WDR7: variants seen among roughly 807,000 people sequenced by gnomAD.
The protein encoded by WDR7 is WD repeat-containing protein 7.
WDR7 carries 46 observed loss-of-function variants against 169.4 expected under a neutral mutation model. The ratio of observed to expected loss-of-function variants is 0.27; its 90% CI spans 0.21 to 0.35. The LOEUF (loss-of-function observed/expected upper bound fraction) is 0.35, where lower values mean the gene tolerates loss of function less well. Ranked by LOEUF, WDR7 falls within the 10% of genes least tolerant of loss-of-function variation. WDR7 has a pLI of 1.00. For missense variants in WDR7, 1,534 were observed against 1,859.3 expected (o/e 0.83, Z 3.22); for synonymous variants, 612 against 666.8 (o/e 0.92, Z 1.27).
At chr18:56,897,483 G>A (rs1561215) in intron 21 of WDR7, among the ~76,000 whole-genome samples, 117,498 of 151,574 alleles carry the variant, frequency 0.78, 46,301 homozygotes, top group East Asian at 0.95. Context: ...GGATACAAAC[G>A]TATGTAGTAA....
chr18:56,976,995 G>C (rs1568296505), intron 26 of WDR7, among the ~76,000 whole-genome samples: 2 of 152,178 alleles, frequency 1.3e-5, no homozygotes. Flanking sequence ...TCTGGGTTTG[G>C]GTAGCTGCCC....
chr18:56,921,231 A>G (rs1363783598), intron 21 of WDR7, among the ~76,000 whole-genome samples: 2 of 152,254 alleles, frequency 1.3e-5, no homozygotes, highest in East Asian at 1.9e-4. Flanking sequence ...TGTTAGAGAT[A>G]GACAGGGAGT....
intron 26 of WDR7, among the ~76,000 whole-genome samples, chr18:57,006,757 T>G (rs887694779): frequency 2.0e-5 from 3 of 152,202 alleles, no homozygotes; most frequent in African/African-American, 7.2e-5. Flanking sequence ...AGCTTATGAA[T>G]ACAGAGACTA....
At chr18:56,927,969 G>A (rs2046830128) in intron 22 of WDR7, among the ~76,000 whole-genome samples, 1 of 152,272 alleles carries the variant, frequency 6.6e-6, no homozygotes, top group Non-Finnish European at 1.5e-5. Context: ...GGTAACCAGA[G>A]GGGATGCAAG....
At position 56,686,044 on chromosome 18, in the gene WDR7, G is replaced by T; in HGVS notation, c.597+12G>T. The T allele has an allele frequency of 6.3e-7, 1 of 1,581,316 alleles. No individual in the cohort carries two copies. Among genetic ancestry groups the T allele is most frequent in the South Asian group, 1.2e-5 (1 of 86,070 alleles). ...TAAGTGACATGCAGGTGAGAAAAAGGAAACTGGGGTGATTTCTCTGTTTTT... is the reference window on the plus strand; with the variant it reads ...TAAGTGACATGCAGGTGAGAAAAAGTAAACTGGGGTGATTTCTCTGTTTTT... On this transcript the variant is annotated intron_variant, in intron 6 of 27. Coordinates refer to ENST00000254442, the MANE Select transcript of WDR7 (RefSeq NM_015285.3).
intron 26 of WDR7, among the ~76,000 whole-genome samples, chr18:57,018,379 G>A (rs1302193783): frequency 6.6e-6 from 1 of 152,218 alleles, no homozygotes; most frequent in Non-Finnish European, 1.5e-5. Flanking sequence ...GTAATAGAAA[G>A]GTTGCATTAA....
At chr18:56,994,016 C>CTTTTTTTTT (rs35579782) in intron 26 of WDR7, among the ~76,000 whole-genome samples, 37 of 129,206 alleles carry the variant, frequency 2.9e-4, no homozygotes, top group Non-Finnish European at 3.2e-4. Flanking sequence ...CTTTTTTTTT[C>CTTTTTTTTT]TTTTTTTTTT....
chr18:56,678,063 C>T (rs950767257), intron 2 of WDR7, among the ~76,000 whole-genome samples: 1 of 152,136 alleles, frequency 6.6e-6, no homozygotes, highest in African/African-American at 2.4e-5. Flanking sequence ...CTGATACATT[C>T]TTTAGTATGC....
chr18:56,730,532 C>T (rs973720575), intron 13 of WDR7, among the ~76,000 whole-genome samples: 1 of 151,814 alleles, frequency 6.6e-6, no homozygotes, highest in African/African-American at 2.4e-5. Flanking sequence ...TTTGGGAGGC[C>T]GAGGCGGGCG....
intron 1 of WDR7, among the ~76,000 whole-genome samples, chr18:56,653,247 C>A (rs946816084): frequency 6.6e-6 from 1 of 151,910 alleles, no homozygotes; most frequent in Non-Finnish European, 1.5e-5. Flanking sequence ...GCTCTTATTG[C>A]CCAGGCTGGA....
At chr18:56,758,322 G>A (rs1484168071) in intron 15 of WDR7, among the ~76,000 whole-genome samples, 1 of 152,086 alleles carries the variant, frequency 6.6e-6, no homozygotes, top group African/African-American at 2.4e-5. Context: ...AACCCTATGA[G>A]GTATGTACTT....
At chr18:56,827,842 C>T (rs750700378) in intron 20 of WDR7, among the ~76,000 whole-genome samples, 107 of 151,848 alleles carry the variant, frequency 7.0e-4, no homozygotes, top group Non-Finnish European at 1.3e-3. Flanking sequence ...CTACTATATA[C>T]CCACAAAAAT....
chr18:56,941,709 T>A (rs1319230802), intron 25 of WDR7, among the ~76,000 whole-genome samples: 1 of 152,184 alleles, frequency 6.6e-6, no homozygotes, highest in African/African-American at 2.4e-5. Context: ...AAAAAATAAT[T>A]CTCAGCTGGG....
chr18:56,715,256 G>T (rs2026166911), intron 12 of WDR7, among the ~76,000 whole-genome samples: 1 of 152,178 alleles, frequency 6.6e-6, no homozygotes, highest in African/African-American at 2.4e-5. Flanking sequence ...TAGCTCAGTG[G>T]TTGTCAGCAG....
intron 26 of WDR7, among the ~76,000 whole-genome samples, chr18:56,984,607 A>C (rs2047688176): frequency 6.6e-6 from 1 of 152,228 alleles, no homozygotes; most frequent in Non-Finnish European, 1.5e-5. Context: ...ATTATAAACT[A>C]GAATACTTCA....
intron 1 of WDR7, among the ~76,000 whole-genome samples, chr18:56,660,555 A>G (rs1425476221): frequency 4.6e-5 from 7 of 152,058 alleles, no homozygotes; most frequent in African/African-American, 1.7e-4. Flanking sequence ...CAACCTATAG[A>G]TGGTTTAAAG....
At chr18:56,772,866 G>C (rs2044185714) in intron 16 of WDR7, among the ~76,000 whole-genome samples, 1 of 152,136 alleles carries the variant, frequency 6.6e-6, no homozygotes, top group Admixed American at 6.6e-5. Context: ...GGTAAAGCAA[G>C]AAATTGCAGG....
At chr18:56,656,772 G>C (rs2024786136) in intron 1 of WDR7, among the ~76,000 whole-genome samples, 1 of 151,968 alleles carries the variant, frequency 6.6e-6, no homozygotes, top group Admixed American at 6.6e-5. Context: ...GTTAGTTTGA[G>C]TTTCTAAAAA....
At chr18:56,916,190 C>G (rs959500663) in intron 21 of WDR7, among the ~76,000 whole-genome samples, 1 of 152,078 alleles carries the variant, frequency 6.6e-6, no homozygotes, top group African/African-American at 2.4e-5. Context: ...CACAGGTATA[C>G]GTGTGCCATG....
Sources: gnomAD v4.1 joint callset for allele counts (sites outside exome capture counted in the v4.1 genomes callset) on GRCh38, gnomAD v4.1.1 for gene constraint, MANE v1.5 for transcripts, NCBI Gene and HGNC (gene_info 2026-07-23, HGNC 2026-07-21) for gene names.